The following ANKS1B variants were observed in gnomAD, a reference collection of about 807,000 sequenced individuals.
ANKS1B encodes ankyrin repeat and sterile alpha motif domain-containing protein 1B.
A neutral mutation model predicts 148.3 loss-of-function variants in ANKS1B; 36 were observed. That is an observed-to-expected ratio of 0.24 (90% CI 0.19 to 0.32). ANKS1B has a LOEUF of 0.32. Among genes scored for constraint, ANKS1B ranks in the 10% least tolerant of loss-of-function variants. The pLI, the probability that ANKS1B is intolerant of heterozygous loss-of-function variation, is 1.00. For synonymous variants in ANKS1B, 542 were observed against 560.8 expected (o/e 0.97, Z 0.47); for missense variants, 1,157 against 1,542.6 (o/e 0.75, Z 4.19).
intron 1 of ANKS1B, among the ~76,000 whole-genome samples, chr12:99,967,207 G>A (rs1454289123): frequency 6.6e-6 from 1 of 151,800 alleles, no homozygotes; most frequent in African/African-American, 2.4e-5. Context: ...GTAATAATAA[G>A]CATTTTATTT....
rs571453502 is a variant in ANKS1B, at chr12:98,972,819, A to G, written c.2778+80338T>C. On this transcript the variant is annotated intron_variant, in intron 17 of 26. Transcript: ENST00000683438. ...ATCATCTGCTCCTAAAATGCAGTCT[A>G]GACACCTCTTGTGACCTGCTCAGGT... 1.1e-4 allele frequency among the ~76,000 whole-genome samples: 17 copies of G among 152,312 alleles called. No homozygotes were observed. The South Asian group carries it at 3.5e-3, about 32-fold the overall frequency.
chr12:99,224,696 T>C (rs2085622267), intron 14 of ANKS1B, among the ~76,000 whole-genome samples: 1 of 152,206 alleles, frequency 6.6e-6, no homozygotes, highest in Admixed American at 6.5e-5. Flanking sequence ...TATTTCTTTA[T>C]AGCAGTGAGA....
intron 14 of ANKS1B, among the ~76,000 whole-genome samples, chr12:99,233,294 C>T (rs952233123): frequency 3.3e-5 from 5 of 152,030 alleles, no homozygotes. Context: ...AATCTTGCTA[C>T]AGTCTTATAG....
chr12:99,139,587 A>G (rs1270636650), intron 15 of ANKS1B, among the ~76,000 whole-genome samples: 1 of 148,068 alleles, frequency 6.8e-6, no homozygotes, highest in Non-Finnish European at 1.5e-5. Flanking sequence ...CCAGTCATAG[A>G]TTTCTAACAC....
intron 6 of ANKS1B, 133 bp downstream of exon 6, chr12:99,779,738 T>C (rs2153631225): frequency 1.5e-6 from 1 of 645,712 alleles, no homozygotes; most frequent in South Asian, 1.9e-5. Flanking sequence ...AGTTTAAAAG[T>C]CTACCAGAAA....
chr12:99,968,199 TTAA>T (rs2095511634), intron 1 of ANKS1B, among the ~76,000 whole-genome samples: 1 of 152,140 alleles, frequency 6.6e-6, no homozygotes, highest in African/African-American at 2.4e-5. Context: ...AGTCCCTGAA[TTAA>T]TAATGAGCTC....
rs144164931 is a variant in ANKS1B at position 99,380,754 on chromosome 12, C to CTCCTTCCTTCCTTCCTTCCT, written c.1756+18857_1756+18876dup. Among the ~76,000 whole-genome samples the CTCCTTCCTTCCTTCCTTCCT allele has an allele frequency of 2.3e-3, 310 of 132,820 alleles. 2 individuals carry two copies. Among genetic ancestry groups the CTCCTTCCTTCCTTCCTTCCT allele is most frequent in the African/African-American group, 8.5e-3 (288 of 33,904 alleles). The allele number at this position is 132,820 out of a possible 152,430, so 87.1% of individuals were successfully genotyped here. ...AATTCTTGTTGATCAGTTTCCTTTC[C>CTCCTTCCTTCCTTCCTTCCT]TCCTTCCTTCCTTCCTTCCTTCCTT... On this transcript the variant is annotated intron_variant, in intron 12 of 26. Transcript: ENST00000683438.
chr12:99,298,801 A>G (rs1649990312), intron 12 of ANKS1B, among the ~76,000 whole-genome samples: 1 of 152,234 alleles, frequency 6.6e-6, no homozygotes, highest in Admixed American at 6.5e-5. Context: ...AAGTTACAAA[A>G]TATTAATATT....
chr12:98,898,988 TA>T (rs1169111838), intron 17 of ANKS1B, among the ~76,000 whole-genome samples: 1 of 152,216 alleles, frequency 6.6e-6, no homozygotes, highest in Non-Finnish European at 1.5e-5. Context: ...CCCTTTGTAT[TA>T]AAAAATTATC....
chr12:99,839,446 C>T (rs1311298113), intron 1 of ANKS1B, among the ~76,000 whole-genome samples: 1 of 151,976 alleles, frequency 6.6e-6, no homozygotes, highest in African/African-American at 2.4e-5. Flanking sequence ...ACAGTAATAA[C>T]CTCACTGTAT....
intron 14 of ANKS1B, among the ~76,000 whole-genome samples, chr12:99,169,133 C>T (rs1168884925): frequency 5.3e-5 from 8 of 152,094 alleles, no homozygotes; most frequent in Non-Finnish European, 1.2e-4. Flanking sequence ...GGGGAGATAG[C>T]TTTGAATATC....
chr12:99,823,316 C>CTATTTATT (rs199623908), intron 2 of ANKS1B, among the ~76,000 whole-genome samples: 2 of 151,828 alleles, frequency 1.3e-5, no homozygotes, highest in African/African-American at 4.8e-5. Context: ...TCAATTTTAT[C>CTATTTATT]TATTTATTTA....
At chr12:99,577,749 C>T (rs780489529) in intron 9 of ANKS1B, among the ~76,000 whole-genome samples, 3 of 151,994 alleles carry the variant, frequency 2.0e-5, no homozygotes, top group East Asian at 1.9e-4. Context: ...ACCCTACCAA[C>T]AGAAAAAGCC....
intron 1 of ANKS1B, among the ~76,000 whole-genome samples, chr12:99,864,079 CAAAAAAAAAA>C (rs11445634): frequency 3.1e-5 from 2 of 65,288 alleles, no homozygotes; most frequent in South Asian, 1.3e-3. Flanking sequence ...GACTACATCT[CAAAAAAAAAA>C]AAAAAAAAAA....
intron 2 of ANKS1B, among the ~76,000 whole-genome samples, chr12:99,818,428 A>C (rs1010841923): frequency 6.6e-6 from 1 of 151,842 alleles, no homozygotes; most frequent in Non-Finnish European, 1.5e-5. Flanking sequence ...CCTGGACCAC[A>C]ATAACTTATT....
chr12:99,155,082 A>C lies in ANKS1B; in HGVS notation c.2420-687T>G, dbSNP rs2153824409. On this transcript the variant is annotated intron_variant, in intron 14 of 26. Transcript: ENST00000683438. ...TCTGAATTGAATCTTCATACTGGTT[A>C]TACGTTACAGAGCTATTTGTTGTGG... 7 of 1,533,306 alleles carry C rather than the reference A, an allele frequency of 4.6e-6. No homozygotes were observed. The South Asian group carries it at 8.4e-5, about 18-fold the overall frequency. 95.0% of individuals were successfully genotyped at this position (1,533,306 alleles called of 1,614,324 possible).
At chr12:99,446,248 C>G (rs989254147) in intron 10 of ANKS1B, among the ~76,000 whole-genome samples, 1 of 151,796 alleles carries the variant, frequency 6.6e-6, no homozygotes, top group Non-Finnish European at 1.5e-5. Flanking sequence ...GTAGGAAGAG[C>G]ACAGTTGAAG....
chr12:99,425,626 T>C (rs1449432502), intron 11 of ANKS1B, among the ~76,000 whole-genome samples: 1 of 151,986 alleles, frequency 6.6e-6, no homozygotes, highest in East Asian at 1.9e-4. Context: ...AAGTTTTAAC[T>C]ACTTCTTAGG....
intron 1 of ANKS1B, among the ~76,000 whole-genome samples, chr12:99,941,322 T>C (rs1183154754): frequency 6.6e-6 from 1 of 152,080 alleles, no homozygotes; most frequent in African/African-American, 2.4e-5. Flanking sequence ...ACTAGATCTG[T>C]GCTTTCAAAA....
Sources: gnomAD v4.1 joint callset for allele counts (sites outside exome capture counted in the v4.1 genomes callset) on GRCh38, gnomAD v4.1.1 for gene constraint, MANE v1.5 for transcripts, NCBI Gene and HGNC (gene_info 2026-07-23, HGNC 2026-07-21) for gene names.